Variants in MED13L observed in about 807,000 individuals in gnomAD.
MED13L encodes the protein mediator of RNA polymerase II transcription subunit 13-like.
MED13L carries 7 observed loss-of-function variants against 220.9 expected under a neutral mutation model. That is an observed-to-expected ratio of 0.03 (90% CI 0.02 to 0.06). The LOEUF is 0.06. Ranked by LOEUF, MED13L falls within the 10% of genes least tolerant of loss-of-function variation. The pLI is 1.00. For missense variants in MED13L, 1,965 were observed against 2,760.5 expected, an observed-to-expected ratio of 0.71 and a Z score of 6.46; for synonymous variants, 1,011 against 1,015.2, an observed-to-expected ratio of 1.00 and a Z score of 0.08.
intron 2 of MED13L, among the ~76,000 whole-genome samples, chr12:116,226,617 C>T (rs1434611244): frequency 6.6e-6 from 1 of 152,148 alleles, no homozygotes; most frequent in Non-Finnish European, 1.5e-5. Flanking sequence ...GCCTATAATC[C>T]CAGCGCTTTG....
intron 1 of MED13L, among the ~76,000 whole-genome samples, chr12:116,267,091 G>C (rs1011912734): frequency 3.9e-5 from 6 of 152,116 alleles, no homozygotes; most frequent in Admixed American, 3.3e-4. Context: ...GCTATTTAAA[G>C]TTCAAAGAGC....
chr12:116,224,556 C>T (rs1284581254), intron 2 of MED13L, among the ~76,000 whole-genome samples: 1 of 152,204 alleles, frequency 6.6e-6, no homozygotes, highest in African/African-American at 2.4e-5. Flanking sequence ...CAATTCATTT[C>T]TGTATTCTAC....
chr12:116,012,729 C>T (rs1879490554), intron 9 of MED13L, 68 bp downstream of exon 9: 1 of 1,098,638 alleles, frequency 9.1e-7, no homozygotes. Context: ...ATCTGTGAGG[C>T]CAGGAGATGA....
rs528298389 is a variant in MED13L, at chr12:116,236,851, T to A, written c.310+617A>T. ...TTCAGTTTCCAGATATCAGATGCAA[T>A]CTGAAGCTAAAAATCAGGCAACACC... On this transcript the variant is annotated intron_variant, in intron 2 of 30. Coordinates refer to ENST00000281928, the MANE Select transcript of MED13L (RefSeq NM_015335.5). 3 of 984,906 alleles carry A rather than the reference T, an allele frequency of 3.0e-6. No homozygotes were observed. In the Admixed American group the frequency reaches 1.8e-4, roughly 60 times the overall value. The allele number at this position is 984,906 out of a possible 1,614,324, so 61.0% of individuals were successfully genotyped here. A position where few individuals can be genotyped will look rare whatever the true frequency, so the allele number is the denominator to read the frequency against.
chr12:116,075,419 T>G (rs988500546), intron 4 of MED13L, among the ~76,000 whole-genome samples: 1 of 152,234 alleles, frequency 6.6e-6, no homozygotes, highest in Non-Finnish European at 1.5e-5. Flanking sequence ...TTAAAATGTG[T>G]TCTCAGCACT....
chr12:116,111,009 A>G (rs1874031496), intron 3 of MED13L, among the ~76,000 whole-genome samples: 1 of 152,208 alleles, frequency 6.6e-6, no homozygotes, highest in South Asian at 2.1e-4. Flanking sequence ...GGGACAACCA[A>G]TGACATCTGA....
At chr12:116,273,420 T>C (rs894362666) in intron 1 of MED13L, among the ~76,000 whole-genome samples, 1 of 152,216 alleles carries the variant, frequency 6.6e-6, no homozygotes, top group Non-Finnish European at 1.5e-5. Context: ...ATTTTGGCAC[T>C]TTGAAAATTA....
intron 8 of MED13L, among the ~76,000 whole-genome samples, 197 bp from the exon 9 acceptor site, chr12:116,013,098 G>A (rs760321583): frequency 2.6e-5 from 4 of 152,168 alleles, no homozygotes; most frequent in African/African-American, 7.2e-5. Flanking sequence ...TTGGCTGGGC[G>A]CATGTGGTTC....
chr12:116,230,174 C>A (rs768836563), intron 2 of MED13L, among the ~76,000 whole-genome samples: 3 of 152,052 alleles, frequency 2.0e-5, no homozygotes, highest in Non-Finnish European at 2.9e-5. Context: ...GAGGCCAAGG[C>A]AGGAGCATCA....
In MED13L at chr12:115,987,868, T is replaced by C. The variant is rs145388304; in HGVS notation, c.3935-580A>G. On this transcript the variant is annotated intron_variant, in intron 17 of 30. Coordinates refer to ENST00000281928, the MANE Select transcript of MED13L (RefSeq NM_015335.5). ...CGCTGCAGGCACGGATGGGATTCAC[T>C]GCCTTCTAAATGCAGATGACTTTAG... Among the ~76,000 whole-genome samples, 217 of 152,318 alleles carry C rather than the reference T, an allele frequency of 1.4e-3. 1 individual carries two copies. Among genetic ancestry groups the C allele is most frequent in the Non-Finnish European group, 2.5e-4 (17 of 68,022 alleles).
intron 2 of MED13L, chr12:116,174,424 G>A (rs1343501776): frequency 1.3e-5 from 2 of 151,232 alleles, no homozygotes; most frequent in African/African-American, 4.9e-5. Context: ...CATTTTCTAT[G>A]TAAAAGCTAG....
intron 1 of MED13L, among the ~76,000 whole-genome samples, chr12:116,259,547 A>G (rs1872340265): frequency 6.6e-6 from 1 of 152,188 alleles, no homozygotes; most frequent in Non-Finnish European, 1.5e-5. Flanking sequence ...AGAAAAGAGA[A>G]TGGGAGAGGA....
chr12:116,167,361 A>T (rs1879356924), intron 2 of MED13L, among the ~76,000 whole-genome samples: 2 of 152,216 alleles, frequency 1.3e-5, no homozygotes, highest in South Asian at 4.1e-4. Context: ...ATTTGATGCC[A>T]GTCTATTAAG....
intron 1 of MED13L, among the ~76,000 whole-genome samples, chr12:116,264,135 A>G (rs1267640219): frequency 1.3e-5 from 2 of 152,210 alleles, no homozygotes; most frequent in Non-Finnish European, 2.9e-5. Context: ...GAACTAAAAT[A>G]ATAAACTGCA....
At chr12:116,056,335 T>TGGCACAATCACGGCTCACTGCAGC (rs1868971814) in intron 4 of MED13L, among the ~76,000 whole-genome samples, 1 of 152,020 alleles carries the variant, frequency 6.6e-6, no homozygotes, top group Non-Finnish European at 1.5e-5. Flanking sequence ...TAGAGTGCAG[T>TGGCACAATCACGGCTCACTGCAGC]GGCACAATCA....
intron 2 of MED13L, among the ~76,000 whole-genome samples, chr12:116,144,077 T>C (rs1240732929): frequency 2.0e-5 from 3 of 152,120 alleles, no homozygotes; most frequent in Admixed American, 6.6e-5. Flanking sequence ...CTGTGTTCCA[T>C]ACACAGCACA....
intron 1 of MED13L, among the ~76,000 whole-genome samples, chr12:116,268,020 T>C (rs894232124): frequency 2.0e-5 from 3 of 152,218 alleles, no homozygotes; most frequent in Non-Finnish European, 4.4e-5. Flanking sequence ...AGCATACTTG[T>C]GATCAAGACC....
intron 2 of MED13L, among the ~76,000 whole-genome samples, chr12:116,203,278 A>T (rs1040092812): frequency 1.3e-5 from 2 of 152,206 alleles, no homozygotes; most frequent in African/African-American, 4.8e-5. Flanking sequence ...AAATGTTTAC[A>T]AAATAAATAG....
At chr12:116,030,156 C>T (rs755209560) in intron 4 of MED13L, among the ~76,000 whole-genome samples, 13 of 152,022 alleles carry the variant, frequency 8.6e-5, no homozygotes, top group East Asian at 3.9e-4. Context: ...TTCGTAGAGA[C>T]GGGGATTCAC....
Sources: allele counts gnomAD v4.1 joint callset (sites outside exome capture counted in the v4.1 genomes callset), GRCh38; gene constraint gnomAD v4.1.1; transcripts MANE v1.5; gene names NCBI Gene and HGNC (gene_info 2026-07-23, HGNC 2026-07-21).